Variants in ERI1 observed in about 807,000 individuals in gnomAD.
The protein encoded by ERI1 is 3'-5' exoribonuclease 1.
A neutral mutation model predicts 39.7 loss-of-function variants in ERI1; 39 were observed. The observed-to-expected ratio is 0.98, with a 90% CI of 0.76 to 1.28. The LOEUF (loss-of-function observed/expected upper bound fraction) is 1.28, where lower values mean the gene tolerates loss of function less well. Ranked by LOEUF, ERI1 falls within the 50% of genes most tolerant of loss-of-function variation. ERI1 has a pLI of 0.00. For missense variants in ERI1, 581 were observed against 416.9 expected, an observed-to-expected ratio of 1.39 and a Z score of -3.43; for synonymous variants, 204 against 149.6, an observed-to-expected ratio of 1.36 and a Z score of -2.65.
At chr8:9,027,153 G>GTGTGTGTA (rs1554519686) in intron 6 of ERI1, among the ~76,000 whole-genome samples, 3 of 140,768 alleles carry the variant, frequency 2.1e-5, no homozygotes, top group African/African-American at 7.5e-5. Context: ...GTGTGTATGT[G>GTGTGTGTA]TGTGTGTGTG....
chr8:9,067,509 G>A (rs887557169), intron 3 of ERI1, among the ~76,000 whole-genome samples: 2 of 151,734 alleles, frequency 1.3e-5, no homozygotes, highest in African/African-American at 2.4e-5. Flanking sequence ...GCAAAAATTA[G>A]CTGGGCATGG....
intron 3 of ERI1, among the ~76,000 whole-genome samples, chr8:9,015,669 C>T (rs1385666864): frequency 7.4e-6 from 1 of 134,720 alleles, no homozygotes; most frequent in Admixed American, 8.2e-5. Context: ...TTGCAGTGAG[C>T]CGAGATTGTG....
chr8:9,099,334 G>T (rs563962916), intron 3 of ERI1, among the ~76,000 whole-genome samples: 29 of 151,884 alleles, frequency 1.9e-4, no homozygotes, highest in African/African-American at 5.8e-4. Context: ...AGGCACAGTG[G>T]CTCATGCCTG....
intron 3 of ERI1, among the ~76,000 whole-genome samples, chr8:9,039,259 T>G (rs913002419): frequency 1.3e-5 from 2 of 152,204 alleles, no homozygotes. Flanking sequence ...CTTGGCACAG[T>G]TAGTGCTTTA....
At position 9,031,554 on chromosome 8, in the gene ERI1, A is replaced by G. The variant is rs7813388; in HGVS notation, c.*1520A>G. On this transcript the variant is annotated 3_prime_UTR_variant, in exon 7 of 7. Coordinates refer to ENST00000250263, the MANE Select transcript of ERI1 (RefSeq NM_153332.4). ...TTGTGCATCCCAGATAGCACTGTAC[A>G]ATAACCTGTAAAGTATTACTGAATA... The G allele has an allele frequency of 0.86, 131,359 of 152,176 alleles. 57,058 individuals are homozygous for G. The highest frequency in any genetic ancestry group is 0.92 in the Non-Finnish European group (62,285 of 68,028). The allele number at this position is 152,176 out of a possible 1,614,324, so 9.4% of individuals were successfully genotyped here.
intron 3 of ERI1, among the ~76,000 whole-genome samples, chr8:9,082,812 G>A (rs925795905): frequency 1.3e-5 from 2 of 152,142 alleles, no homozygotes; most frequent in African/African-American, 2.4e-5. Flanking sequence ...TGAGATGCCC[G>A]AAGAGTCATA....
chr8:9,099,611 A>G (rs1362705026), intron 3 of ERI1, among the ~76,000 whole-genome samples: 3 of 151,780 alleles, frequency 2.0e-5, no homozygotes, highest in Non-Finnish European at 4.4e-5. Flanking sequence ...AAAAAAAAAA[A>G]AAAAGAAAGA....
intron 6 of ERI1, among the ~76,000 whole-genome samples, chr8:9,027,988 G>A (rs1440102791): frequency 1.3e-5 from 2 of 152,100 alleles, no homozygotes; most frequent in African/African-American, 4.8e-5. Context: ...ATTTTGTCAA[G>A]GATTATTGCA....
intron 1 of ERI1, among the ~76,000 whole-genome samples, chr8:9,007,427 A>G (rs994458694): frequency 5.3e-5 from 8 of 152,178 alleles, no homozygotes; most frequent in African/African-American, 1.9e-4. Flanking sequence ...AAATGGGTTC[A>G]TTTGTAAATA....
chr8:9,046,899 T>C (rs1585257946), intron 3 of ERI1, among the ~76,000 whole-genome samples: 1 of 152,176 alleles, frequency 6.6e-6, no homozygotes, highest in African/African-American at 2.4e-5. Context: ...AGAGCCAATT[T>C]CACACACGCT....
At chr8:9,015,316 T>C (rs7830266) in intron 3 of ERI1, among the ~76,000 whole-genome samples, 38,624 of 152,068 alleles carry the variant, frequency 0.25, 5,330 homozygotes, top group Non-Finnish European at 0.31. Context: ...CTATATCTAC[T>C]ACCTAGGATT....
chr8:9,040,778 ACTTC>A (rs1300764400), intron 3 of ERI1, among the ~76,000 whole-genome samples: 1 of 151,384 alleles, frequency 6.6e-6, no homozygotes, highest in South Asian at 2.1e-4. Flanking sequence ...CTTGTTTAGG[ACTTC>A]CTTAGCGCTG....
intron 5 of ERI1, among the ~76,000 whole-genome samples, chr8:9,020,090 C>A (rs993288481): frequency 2.6e-5 from 4 of 152,016 alleles, no homozygotes; most frequent in Non-Finnish European, 5.9e-5. Flanking sequence ...AGAAGCCTGC[C>A]CAGAACCATG....
chr8:9,079,153 A>C (rs1799297271), intron 3 of ERI1, among the ~76,000 whole-genome samples: 1 of 152,210 alleles, frequency 6.6e-6, no homozygotes, highest in Non-Finnish European at 1.5e-5. Context: ...TAATATGAGA[A>C]AGAAATGACA....
chr8:9,012,418 C>T (rs1816766517), intron 3 of ERI1, among the ~76,000 whole-genome samples: 1 of 152,194 alleles, frequency 6.6e-6, no homozygotes, highest in South Asian at 2.1e-4. Context: ...AACATCTCAA[C>T]TTTCCAAAAG....
chr8:9,040,732 G>C (rs117787291), intron 3 of ERI1, among the ~76,000 whole-genome samples: 1 of 149,676 alleles, frequency 6.7e-6, no homozygotes, highest in Non-Finnish European at 1.5e-5. Flanking sequence ...GTGTGTGTGG[G>C]GGGGGGGTGT....
chr8:9,066,230 A>C (rs111448313), intron 3 of ERI1, among the ~76,000 whole-genome samples: 23 of 151,420 alleles, frequency 1.5e-4, no homozygotes, highest in African/African-American at 4.6e-4. Flanking sequence ...CATTTTCTTC[A>C]TTGGGGTTCC....
At chr8:9,042,467 A>G (rs983220964) in intron 3 of ERI1, among the ~76,000 whole-genome samples, 5 of 152,120 alleles carry the variant, frequency 3.3e-5, no homozygotes, top group African/African-American at 1.2e-4. Flanking sequence ...CCCGCCTCCA[A>G]CACACACACA....
chr8:9,086,245 A>G (rs892168001), intron 3 of ERI1, among the ~76,000 whole-genome samples: 9 of 152,050 alleles, frequency 5.9e-5, no homozygotes, highest in African/African-American at 1.4e-4. Context: ...GAGACCACCA[A>G]TGCTACAAAA....
Sources: allele counts gnomAD v4.1 joint callset (sites outside exome capture counted in the v4.1 genomes callset), GRCh38; gene constraint gnomAD v4.1.1; transcripts MANE v1.5; gene names NCBI Gene and HGNC (gene_info 2026-07-23, HGNC 2026-07-21).